TRIM23: variants seen among roughly 807,000 people sequenced by gnomAD.
The protein encoded by TRIM23 is tripartite motif containing 23, also known as E3 ubiquitin-protein ligase TRIM23.
A neutral mutation model predicts 71.0 loss-of-function variants in TRIM23; 27 were observed. The ratio of observed to expected loss-of-function variants is 0.38; its 90% CI spans 0.28 to 0.52. The LOEUF is 0.52. Among genes scored for constraint, TRIM23 ranks in the 20% least tolerant of loss-of-function variants. TRIM23 has a pLI of 0.84. For missense variants in TRIM23, 482 were observed against 692.3 expected (o/e 0.70, Z 3.41); for synonymous variants, 234 against 238.0 (o/e 0.98, Z 0.16).
chr5:65,609,937 G>A (rs1003743680), intron 5 of TRIM23, among the ~76,000 whole-genome samples: 2 of 152,012 alleles, frequency 1.3e-5, no homozygotes, highest in Admixed American at 6.6e-5. Context: ...AAAAACAACC[G>A]GAGTCATCAT....
intron 3 of TRIM23, 187 bp downstream of exon 3, chr5:65,613,910 GA>G: frequency 6.7e-7 from 1 of 1,492,410 alleles, no homozygotes; most frequent in Non-Finnish European, 8.9e-7. Context: ...TTAGGCATAG[GA>G]TTTTCAAATA....
At chr5:65,594,175 C>T (rs1344819537) in intron 10 of TRIM23, among the ~76,000 whole-genome samples, 1 of 152,180 alleles carries the variant, frequency 6.6e-6, no homozygotes, top group Admixed American at 6.5e-5. Flanking sequence ...TGCATAATTT[C>T]AACTCAAATT....
At chr5:65,616,344 G>A (rs542680061) in intron 2 of TRIM23, among the ~76,000 whole-genome samples, 1 of 152,214 alleles carries the variant, frequency 6.6e-6, no homozygotes, top group Admixed American at 6.5e-5. Context: ...AAGGTAAAGT[G>A]CTCTTCAAAA....
intron 10 of TRIM23, among the ~76,000 whole-genome samples, chr5:65,593,150 G>A (rs1754090498): frequency 6.6e-6 from 1 of 152,158 alleles, no homozygotes; most frequent in South Asian, 2.1e-4. Context: ...CACGAACAGT[G>A]TTGACCAGGC....
chr5:65,605,175 A>G (rs154943), intron 6 of TRIM23, 130 bp from the exon 7 acceptor site: 511,573 of 798,346 alleles, frequency 0.64, 166,255 homozygotes, highest in African/African-American at 0.71. Context: ...AATTTGACAA[A>G]AATAATAATT....
rs773958398 is a variant in TRIM23, at chr5:65,611,624, A to G, written c.624T>C (p.Tyr208=). 6 of 1,613,938 alleles carry G rather than the reference A, an allele frequency of 3.7e-6. No individual in the cohort carries two copies. Among genetic ancestry groups the G allele is most frequent in the Non-Finnish European group, 5.1e-6 (6 of 1,179,826 alleles). The change falls in exon 4 of 11, where the codon TAT becomes TAC. Residue 208 remains tyrosine, a synonymous_variant. Coordinates refer to ENST00000231524, the MANE Select transcript of TRIM23 (RefSeq NM_001656.4). ...SPLMCCVCKE[Y]GKHQGHKHSV... ...ATACCTTGTGACCCTGGTGTTTTCC[A>G]TATTCTTTGCAGACACAGCACATGA... is the stretch of plus-strand genomic sequence containing the variant.
Position 65,591,107 on chromosome 5 carries a change from T to C in TRIM23, c.*662A>G, listed in dbSNP as rs1561738188. ...TTTATTACTAACCTGACAAGCCTAATTGGGTAACATTTCACTCCCTCATTG... is the reference window on the plus strand; with the variant it reads ...TTTATTACTAACCTGACAAGCCTAACTGGGTAACATTTCACTCCCTCATTG... On this transcript the variant is annotated 3_prime_UTR_variant, in exon 11 of 11. Coordinates refer to ENST00000231524, the MANE Select transcript of TRIM23 (RefSeq NM_001656.4). 9 of 1,027,238 alleles carry C rather than the reference T, an allele frequency of 8.8e-6. No homozygotes were observed. The highest frequency in any genetic ancestry group is 1.1e-4 in the East Asian group (1 of 9,516). 63.6% of individuals were successfully genotyped at this position (1,027,238 alleles called of 1,614,324 possible). A position where few individuals can be genotyped will look rare whatever the true frequency, so the allele number is the denominator to read the frequency against.
At chr5:65,617,027 T>C (rs989220510) in intron 2 of TRIM23, among the ~76,000 whole-genome samples, 9 of 152,154 alleles carry the variant, frequency 5.9e-5, no homozygotes, top group Admixed American at 5.2e-4. Context: ...GGCCTAAGTA[T>C]AGTTTTATAT....
rs1331289217 is a variant in TRIM23 at position 65,590,722 on chromosome 5, T to C, written c.*1047A>G. On this transcript the variant is annotated 3_prime_UTR_variant, in exon 11 of 11. Coordinates refer to ENST00000231524, the MANE Select transcript of TRIM23 (RefSeq NM_001656.4). The stretch of plus-strand genomic sequence containing the variant: ...TAGACATTTTTCCTCTAGAGTAACT[T>C]TTCAAGGCCTTCTCATGAACAGCCT... 36 of 985,426 alleles carry C rather than the reference T, an allele frequency of 3.7e-5. No homozygotes were observed. Among genetic ancestry groups the C allele is most frequent in the Admixed American group, 6.2e-5 (1 of 16,258 alleles). 61.0% of individuals were successfully genotyped at this position (985,426 alleles called of 1,614,324 possible).
At chr5:65,613,949 G>C in intron 3 of TRIM23, 149 bp downstream of exon 3, 1 of 1,525,224 alleles carries the variant, frequency 6.6e-7, no homozygotes, top group Non-Finnish European at 8.8e-7. Flanking sequence ...TGGGAATAGT[G>C]TTGGCCTTCA....
In TRIM23 at chr5:65,620,804, T is replaced by C. The variant is rs1430837636; in HGVS notation, c.82-2549A>G. Among the ~76,000 whole-genome samples the C allele has an allele frequency of 2.0e-5, 3 of 152,104 alleles. No individual in the cohort carries two copies. The East Asian group carries it at 5.8e-4, about 29-fold the overall frequency. On this transcript the variant is annotated intron_variant, in intron 1 of 10. Transcript: ENST00000231524. The stretch of plus-strand genomic sequence containing the variant: ...TTATCAAATTCTTTAGGCCAGGCAC[T>C]GTGGCTCACACCTGTAATCACAGCA...
chr5:65,591,285 C>G lies in TRIM23; in HGVS notation c.*484G>C. Reference sequence around the variant, plus strand: ...ATTATCCAAATATGTAGTTTGGATTCTATTTCATTAAGCAACTGTCATTTC... The same window carrying G: ...ATTATCCAAATATGTAGTTTGGATTGTATTTCATTAAGCAACTGTCATTTC... On this transcript the variant is annotated 3_prime_UTR_variant, in exon 11 of 11. Coordinates refer to ENST00000231524, the MANE Select transcript of TRIM23 (RefSeq NM_001656.4). The G allele has an allele frequency of 2.2e-6, 3 of 1,368,390 alleles. No individual in the cohort carries two copies. Among genetic ancestry groups the G allele is most frequent in the Non-Finnish European group, 2.8e-6 (3 of 1,063,120 alleles). The allele number at this position is 1,368,390 out of a possible 1,614,324, so 84.8% of individuals were successfully genotyped here.
chr5:65,621,283 C>T (rs570041850), intron 1 of TRIM23, among the ~76,000 whole-genome samples: 1 of 152,112 alleles, frequency 6.6e-6, no homozygotes, highest in Non-Finnish European at 1.5e-5. Context: ...ACCTAAGAGG[C>T]GGAGCTTGCA....
At chr5:65,599,881 A>G (rs1255055581) in intron 7 of TRIM23, among the ~76,000 whole-genome samples, 1 of 152,242 alleles carries the variant, frequency 6.6e-6, no homozygotes, top group Non-Finnish European at 1.5e-5. Flanking sequence ...ACTGCTATAA[A>G]GAAATACCTG....
chr5:65,613,750 G>T, intron 3 of TRIM23: 2 of 1,203,244 alleles, frequency 1.7e-6, no homozygotes, highest in East Asian at 5.8e-5. Context: ...TTCTCTCATT[G>T]AGTTTTACTG....
At chr5:65,602,693 G>A (rs1754393602) in intron 7 of TRIM23, among the ~76,000 whole-genome samples, 2 of 152,160 alleles carry the variant, frequency 1.3e-5, no homozygotes, top group African/African-American at 2.4e-5. Context: ...CACATGGCTA[G>A]GGAGGCCTCA....
rs760627936 is a variant in TRIM23, at chr5:65,611,754, C to T, written c.494G>A (p.Arg165Gln). 36 of 1,614,040 alleles carry T rather than the reference C, an allele frequency of 2.2e-5. No homozygotes were observed. The highest frequency in any genetic ancestry group is 1.3e-5 in the African/African-American group (1 of 74,926). The change falls in exon 4 of 11, where the codon CGA (arginine) becomes CAA (glutamine). Residue 165 changes from arginine (R) to glutamine (Q), a missense_variant. Physicochemically the swap from Arg to Gln is conservative, Grantham distance 43. Around this residue, in one of 2 missense-constraint regions of TRIM23, gnomAD observed 307 missense variants for 495.8 expected, o/e 0.62. Coordinates refer to ENST00000231524, the MANE Select transcript of TRIM23 (RefSeq NM_001656.4). Reference sequence around the variant, plus strand: ...ATGAGGTTTATCAGCTAGAGGAACTCGCCTGTGCTTTGCTAATGTCTTTGT... The same window carrying T: ...ATGAGGTTTATCAGCTAGAGGAACTTGCCTGTGCTTTGCTAATGTCTTTGT... ...HSTKTLAKHRRVPLADKPHEK... is the reference protein window; with the variant it reads ...HSTKTLAKHRQVPLADKPHEK...
chr5:65,606,375 G>A (rs770165938), intron 6 of TRIM23, among the ~76,000 whole-genome samples: 5 of 151,888 alleles, frequency 3.3e-5, no homozygotes, highest in Middle Eastern at 3.4e-3. Flanking sequence ...GAGCCCAGGA[G>A]GCAGAAGGTA....
At chr5:65,611,470 C>T in intron 4 of TRIM23, 133 bp downstream of exon 4, 1 of 980,340 alleles carries the variant, frequency 1.0e-6, no homozygotes, top group Non-Finnish European at 1.4e-6. Flanking sequence ...TTTCATGCTA[C>T]CAAACCCAAT....
Sources: allele counts gnomAD v4.1 joint callset (sites outside exome capture counted in the v4.1 genomes callset), GRCh38; gene constraint gnomAD v4.1.1; regional missense constraint gnomAD v4.1.1; transcripts MANE v1.5; gene names NCBI Gene and HGNC (gene_info 2026-07-23, HGNC 2026-07-21).